Variants in AUTS2 observed in about 807,000 individuals in gnomAD.
AUTS2 encodes autism susceptibility gene 2 protein.
A neutral mutation model predicts 112.4 loss-of-function variants in AUTS2; 17 were observed. The observed-to-expected ratio is 0.15, with a 90% CI of 0.10 to 0.23. AUTS2 has a LOEUF of 0.23. AUTS2 is among the 10% of genes least tolerant of loss of function. The pLI, the probability that AUTS2 is intolerant of heterozygous loss-of-function variation, is 1.00. For missense variants in AUTS2, 1,510 were observed against 1,701.6 expected, an observed-to-expected ratio of 0.89 and a Z score of 1.98; for synonymous variants, 751 against 702.7, an observed-to-expected ratio of 1.07 and a Z score of -1.09.
At chr7:70,052,729 G>A (rs894630901) in intron 2 of AUTS2, among the ~76,000 whole-genome samples, 1 of 152,196 alleles carries the variant, frequency 6.6e-6, no homozygotes, top group African/African-American at 2.4e-5. Context: ...GTCCTAATCT[G>A]TAGGCTGTCT....
intron 3 of AUTS2, among the ~76,000 whole-genome samples, chr7:70,123,131 C>T (rs767286137): frequency 6.6e-6 from 1 of 152,036 alleles, no homozygotes; most frequent in African/African-American, 2.4e-5. Context: ...CCACCTTGGC[C>T]TTCCAAAGCG....
intron 4 of AUTS2, among the ~76,000 whole-genome samples, chr7:70,326,270 G>A (rs1037178398): frequency 1.3e-5 from 2 of 152,068 alleles, no homozygotes; most frequent in African/African-American, 4.8e-5. Context: ...CCCACTTCCA[G>A]CCTGTCTCCT....
intron 5 of AUTS2, chr7:70,436,186 T>G (rs995511094): frequency 1.8e-5 from 3 of 167,196 alleles, no homozygotes; most frequent in Admixed American, 6.1e-5. Context: ...CCATATGCTT[T>G]TCTGTACCTA....
intron 2 of AUTS2, among the ~76,000 whole-genome samples, chr7:69,932,456 G>C (rs1346492544): frequency 2.0e-5 from 3 of 152,176 alleles, no homozygotes; most frequent in Non-Finnish European, 4.4e-5. Flanking sequence ...ATGCAGAAGA[G>C]GCAGACACAA....
chr7:69,925,795 C>T (rs1795985534), intron 2 of AUTS2, among the ~76,000 whole-genome samples: 1 of 152,170 alleles, frequency 6.6e-6, no homozygotes, highest in African/African-American at 2.4e-5. Context: ...GTTGGGATAA[C>T]AGGTATGAGC....
intron 1 of AUTS2, among the ~76,000 whole-genome samples, chr7:69,792,742 A>G (rs1388598434): frequency 1.3e-5 from 2 of 151,840 alleles, no homozygotes; most frequent in Non-Finnish European, 2.9e-5. Flanking sequence ...AAGGCCTTTT[A>G]TCACAAAGGC....
intron 5 of AUTS2, among the ~76,000 whole-genome samples, chr7:70,495,727 C>T (rs1290329360): frequency 5.5e-5 from 7 of 126,232 alleles, no homozygotes; most frequent in Admixed American, 8.0e-5. Flanking sequence ...CACATGCACA[C>T]GTCACATCAG....
intron 6 of AUTS2, among the ~76,000 whole-genome samples, chr7:70,742,115 C>T (rs950987356): frequency 2.0e-5 from 3 of 152,298 alleles, no homozygotes; most frequent in Admixed American, 1.3e-4. Context: ...ATCAGTAAAG[C>T]ATCTTTTTTG....
chr7:69,851,280 T>C lies in AUTS2; in HGVS notation c.310-48006T>C, dbSNP rs548017859. On this transcript the variant is annotated intron_variant, in intron 1 of 18. Transcript: ENST00000342771. ...TAGTAAGTTTTGAAATCATATAGAG[T>C]GATTCCTCTTACTGTATTCTTTTTT... Among the ~76,000 whole-genome samples the C allele has an allele frequency of 8.5e-5, 13 of 152,290 alleles. No homozygotes were observed. In the South Asian group the frequency reaches 2.7e-3, roughly 32 times the overall value.
At chr7:70,681,633 T>C (rs1050873568) in intron 5 of AUTS2, among the ~76,000 whole-genome samples, 1 of 152,088 alleles carries the variant, frequency 6.6e-6, no homozygotes, top group African/African-American at 2.4e-5. Flanking sequence ...CCCACTTTGC[T>C]TTTCCAGAAT....
chr7:70,784,374 A>T (rs1487004492), intron 15 of AUTS2: 1 of 152,576 alleles, frequency 6.6e-6, no homozygotes. Context: ...TGAGCCAGAG[A>T]TGATAACGGG....
intron 4 of AUTS2, among the ~76,000 whole-genome samples, chr7:70,367,601 T>C (rs1424085748): frequency 6.6e-6 from 1 of 151,688 alleles, no homozygotes; most frequent in Non-Finnish European, 1.5e-5. Flanking sequence ...ATAATACTGA[T>C]TTATGAAATC....
chr7:70,243,966 A>G (rs1436250272), intron 4 of AUTS2, among the ~76,000 whole-genome samples: 1 of 151,698 alleles, frequency 6.6e-6, no homozygotes, highest in East Asian at 1.9e-4. Context: ...CTATTACAGT[A>G]TAGTAATACT....
At chr7:69,634,929 T>C (rs997056534) in intron 1 of AUTS2, among the ~76,000 whole-genome samples, 2 of 152,094 alleles carry the variant, frequency 1.3e-5, no homozygotes, top group Non-Finnish European at 2.9e-5. Context: ...AGACTATGAG[T>C]GTGTGATTTT....
chr7:69,815,856 A>G lies in AUTS2; in HGVS notation c.310-83430A>G, dbSNP rs927373805. On this transcript the variant is annotated intron_variant, in intron 1 of 18. Coordinates refer to ENST00000342771, the MANE Select transcript of AUTS2 (RefSeq NM_015570.4). ...GATGACCTACACATTTCAGCTGCGC[A>G]TATGTTCTACCTGTTAATGGTGAGA... Among the ~76,000 whole-genome samples the G allele has an allele frequency of 3.9e-5, 6 of 152,204 alleles. No homozygotes were observed. In the South Asian group the frequency reaches 1.2e-3, roughly 32 times the overall value.
At chr7:69,844,192 C>T (rs897182897) in intron 1 of AUTS2, among the ~76,000 whole-genome samples, 1 of 152,084 alleles carries the variant, frequency 6.6e-6, no homozygotes, top group Non-Finnish European at 1.5e-5. Flanking sequence ...ATAGAAACCC[C>T]AGTTAATGTT....
chr7:70,633,108 T>A (rs1379076727), intron 5 of AUTS2, among the ~76,000 whole-genome samples: 1 of 152,142 alleles, frequency 6.6e-6, no homozygotes, highest in African/African-American at 2.4e-5. Flanking sequence ...TCCGGGGGCC[T>A]TTTCAGGGTC....
intron 1 of AUTS2, among the ~76,000 whole-genome samples, chr7:69,891,715 C>CT (rs1794527273): frequency 7.7e-5 from 11 of 142,378 alleles, no homozygotes; most frequent in Admixed American, 5.9e-4. Context: ...TTGTATTTCC[C>CT]TAATGACTAC....
rs200932797 is a variant in AUTS2, at chr7:70,595,296, C to A, written c.691-103273C>A. The stretch of plus-strand genomic sequence containing the variant: ...GCGTTGAGGTGTGGTGGCTGAAATT[C>A]AGGAATTATTGTGGAAGCTTGAGTT... On this transcript the variant is annotated intron_variant, in intron 5 of 18. Transcript: ENST00000342771. Among the ~76,000 whole-genome samples, 7 of 152,190 alleles carry A rather than the reference C, an allele frequency of 4.6e-5. No homozygotes were observed. In the East Asian group the frequency reaches 1.4e-3, roughly 29 times the overall value.
Sources: allele counts gnomAD v4.1 joint callset (sites outside exome capture counted in the v4.1 genomes callset), GRCh38; gene constraint gnomAD v4.1.1; transcripts MANE v1.5; gene names NCBI Gene and HGNC (gene_info 2026-07-23, HGNC 2026-07-21).